The following TENM4 variants were observed in gnomAD, a reference collection of about 807,000 sequenced individuals.
The protein encoded by TENM4 is teneurin-4.
Under a neutral mutation model 243.3 loss-of-function variants are expected in TENM4, and 82 were observed. The observed-to-expected ratio is 0.34, with a 90% CI of 0.28 to 0.40. The LOEUF is 0.40. Among genes scored for constraint, TENM4 ranks in the 10% least tolerant of loss-of-function variants. TENM4 has a pLI of 1.00. For missense variants in TENM4, 3,138 were observed against 3,673.3 expected (o/e 0.85, Z 3.77); for synonymous variants, 1,412 against 1,456.3 (o/e 0.97, Z 0.69).
At chr11:79,348,249 C>T (rs1025407936) in intron 1 of TENM4, among the ~76,000 whole-genome samples, 1 of 152,278 alleles carries the variant, frequency 6.6e-6, no homozygotes, top group South Asian at 2.1e-4. Flanking sequence ...TGGTATAAGG[C>T]TACACCGAGG....
intron 6 of TENM4, among the ~76,000 whole-genome samples, chr11:78,936,683 G>A (rs1166205886): frequency 1.3e-5 from 2 of 152,170 alleles, no homozygotes; most frequent in Non-Finnish European, 2.9e-5. Context: ...GCTAGCTGAT[G>A]GTCAAACAAC....
intron 3 of TENM4, among the ~76,000 whole-genome samples, chr11:79,159,483 AG>A (rs1862695738): frequency 1.3e-5 from 2 of 152,204 alleles, no homozygotes; most frequent in Non-Finnish European, 2.9e-5. Context: ...CTTGTTTTCA[AG>A]CTTTTTGTCA....
At chr11:79,356,436 ACTACT>A (rs1857497936) in intron 1 of TENM4, among the ~76,000 whole-genome samples, 1 of 152,162 alleles carries the variant, frequency 6.6e-6, no homozygotes, top group South Asian at 2.1e-4. Context: ...CATCACCACT[ACTACT>A]ACAGCGTGGG....
chr11:78,959,779 T>C (rs1857279011), intron 6 of TENM4, among the ~76,000 whole-genome samples: 2 of 152,190 alleles, frequency 1.3e-5, no homozygotes, highest in Admixed American at 1.3e-4. Context: ...ACATCAATAA[T>C]GCAATAATGT....
chr11:79,127,985 T>C (rs1861917852), intron 4 of TENM4, among the ~76,000 whole-genome samples: 1 of 152,188 alleles, frequency 6.6e-6, no homozygotes, highest in Non-Finnish European at 1.5e-5. Flanking sequence ...TCTGGGTGTG[T>C]TACTCCAGCC....
intron 4 of TENM4, chr11:79,096,997 C>G (rs1042005257): frequency 6.6e-6 from 1 of 151,792 alleles, no homozygotes; most frequent in Non-Finnish European, 1.5e-5. Context: ...GTACACAAAC[C>G]TGATAATAGC....
chr11:79,239,693 T>C (rs959402220), intron 2 of TENM4, among the ~76,000 whole-genome samples: 2 of 152,290 alleles, frequency 1.3e-5, no homozygotes, highest in African/African-American at 2.4e-5. Flanking sequence ...TCACTAATCA[T>C]TGACATTCAT....
intron 1 of TENM4, among the ~76,000 whole-genome samples, chr11:79,305,947 C>T (rs545190987): frequency 1.3e-5 from 2 of 152,344 alleles, no homozygotes; most frequent in East Asian, 1.9e-4. Flanking sequence ...CAGAGCCGAC[C>T]TGTGGAGGGT....
chr11:78,851,774 C>A (rs1308819786), intron 12 of TENM4, among the ~76,000 whole-genome samples: 2 of 152,148 alleles, frequency 1.3e-5, no homozygotes, highest in Non-Finnish European at 2.9e-5. Context: ...AAGATGACGG[C>A]CAGACTGGGG....
At chr11:79,060,044 G>C (rs12360931) in intron 6 of TENM4, among the ~76,000 whole-genome samples, 18,112 of 152,280 alleles carry the variant, frequency 0.12, 1,314 homozygotes, top group African/African-American at 0.21. Context: ...GCTCAGCATA[G>C]CTGTGGGACA....
At chr11:78,891,201 G>C (rs1166698907) in intron 8 of TENM4, 37 bp downstream of exon 8, 7 of 1,539,876 alleles carry the variant, frequency 4.5e-6, no homozygotes, top group South Asian at 2.4e-5. Context: ...GCCACAAGGA[G>C]AGCACACACA....
chr11:78,712,388 C>G, intron 26 of TENM4, 94 bp downstream of exon 26: 1 of 1,278,108 alleles, frequency 7.8e-7, no homozygotes, highest in East Asian at 2.4e-5. Context: ...TGGTATTTTC[C>G]AAAAATTTTT....
At chr11:78,998,466 A>T (rs1033777715) in intron 6 of TENM4, among the ~76,000 whole-genome samples, 1 of 152,254 alleles carries the variant, frequency 6.6e-6, no homozygotes, top group Non-Finnish European at 1.5e-5. Context: ...CTCAAAAGGA[A>T]ATGTAAAGTT....
chr11:78,673,641 AGTT>A lies in TENM4; in HGVS notation c.5497-1315_5497-1313del, dbSNP rs575257812. Among the ~76,000 whole-genome samples the A allele has an allele frequency of 9.8e-5, 15 of 152,302 alleles. No individual in the cohort carries two copies. The South Asian group carries it at 2.9e-3, about 29-fold the overall frequency. ...TCAGTTTCTTACTCTGTATAACAAG[AGTT>A]GTTGTGAAGGTTGAAGAAACTTAGT... On this transcript the variant is annotated intron_variant, in intron 30 of 33. Transcript: ENST00000278550.
At chr11:79,258,043 G>A (rs904403952) in intron 2 of TENM4, among the ~76,000 whole-genome samples, 4 of 152,210 alleles carry the variant, frequency 2.6e-5, no homozygotes, top group Non-Finnish European at 4.4e-5. Flanking sequence ...GTACAGACAG[G>A]TTGGGTGGAA....
Position 79,148,749 on chromosome 11 carries a change from T to C in TENM4, c.-105A>G. ...TCTTAAAAGGGTCTAAGAATAGTCC[T>C]TCAAATAATCCTTGAAGTATGCAAT... On this transcript the variant is annotated 5_prime_UTR_variant, in exon 4 of 34. Transcript: ENST00000278550. 1 of 982,680 alleles carries C rather than the reference T, an allele frequency of 1.0e-6. No homozygotes were observed. The highest frequency in any genetic ancestry group is 1.2e-6 in the Non-Finnish European group (1 of 827,146). The allele number at this position is 982,680 out of a possible 1,614,324, so 60.9% of individuals were successfully genotyped here. A position where few individuals can be genotyped will look rare whatever the true frequency, so the allele number is the denominator to read the frequency against.
At chr11:78,811,962 T>C (rs1334348956) in intron 14 of TENM4, among the ~76,000 whole-genome samples, 160 bp downstream of exon 14, 4 of 152,228 alleles carry the variant, frequency 2.6e-5, no homozygotes, top group African/African-American at 9.6e-5. Context: ...CCTCTTCCTT[T>C]GGATTAGTTA....
intron 2 of TENM4, among the ~76,000 whole-genome samples, chr11:79,250,813 C>T (rs1855597491): frequency 6.6e-6 from 1 of 152,186 alleles, no homozygotes; most frequent in African/African-American, 2.4e-5. Flanking sequence ...CTTTCAATTG[C>T]TTTTTAAATC....
chr11:78,671,267 T>A (rs1032539503), intron 31 of TENM4, among the ~76,000 whole-genome samples: 1 of 143,280 alleles, frequency 7.0e-6, no homozygotes, highest in Admixed American at 6.9e-5. Context: ...GTTTTCAGTA[T>A]GTTGGATGAC....
Sources: allele counts gnomAD v4.1 joint callset (sites outside exome capture counted in the v4.1 genomes callset), GRCh38; gene constraint gnomAD v4.1.1; transcripts MANE v1.5; gene names NCBI Gene and HGNC (gene_info 2026-07-23, HGNC 2026-07-21).